Variants in WDR37 observed in about 807,000 individuals in gnomAD.
The protein encoded by WDR37 is WD repeat-containing protein 37.
A neutral mutation model predicts 62.9 loss-of-function variants in WDR37; 19 were observed. That is an observed-to-expected ratio of 0.30 (90% confidence interval 0.21 to 0.44). The LOEUF (loss-of-function observed/expected upper bound fraction) is 0.44. WDR37 is among the 20% of genes least tolerant of loss of function. The probability of loss-of-function intolerance (pLI) is 1.00; values close to 1 mark genes in which losing one functional copy is unlikely to be tolerated. For synonymous variants in WDR37, 250 were observed against 260.9 expected (o/e 0.96, Z 0.40); for missense variants, 474 against 657.6 (o/e 0.72, Z 3.05).
intron 5 of WDR37, among the ~76,000 whole-genome samples, chr10:1,083,142 A>G (rs1351402213): frequency 1.3e-5 from 2 of 152,204 alleles, no homozygotes; most frequent in African/African-American, 4.8e-5. Flanking sequence ...CATCTGAATG[A>G]CACTTTCTGT....
At chr10:1,120,425 T>G (rs982052584) in intron 11 of WDR37, among the ~76,000 whole-genome samples, 1 of 152,230 alleles carries the variant, frequency 6.6e-6, no homozygotes, top group Non-Finnish European at 1.5e-5. Flanking sequence ...TTTGGTTACT[T>G]ACTCAGGGCA....
At chr10:1,095,632 C>T (rs1228259900) in intron 8 of WDR37, among the ~76,000 whole-genome samples, 1 of 152,198 alleles carries the variant, frequency 6.6e-6, no homozygotes, top group Non-Finnish European at 1.5e-5. Context: ...TGTTCTGTGC[C>T]CCGCAGTGCT....
chr10:1,074,516 G>T, intron 2 of WDR37: 1 of 1,304,136 alleles, frequency 7.7e-7, no homozygotes, highest in Non-Finnish European at 1.0e-6. Flanking sequence ...TCTGTAAGTG[G>T]CCCCCGTGAG....
At chr10:1,110,513 C>T (rs1046489503) in intron 11 of WDR37, among the ~76,000 whole-genome samples, 1 of 152,146 alleles carries the variant, frequency 6.6e-6, no homozygotes, top group African/African-American at 2.4e-5. Flanking sequence ...GCTGTGCATC[C>T]GCGCCACAGC....
intron 13 of WDR37, among the ~76,000 whole-genome samples, chr10:1,126,405 C>CAAA (rs745441088): frequency 0.049 from 6,120 of 125,160 alleles, 248 homozygotes; most frequent in African/African-American, 0.1. Flanking sequence ...GACTGTGTCT[C>CAAA]AGAAAAAAAA....
chr10:1,086,283 C>T lies in WDR37; in HGVS notation c.533-3C>T, dbSNP rs1834198958. ...TTCCGACTTCTTCATTTCCATCTTG[C>T]AGATCACACGGCTTTGCTGTGGAGC... On this transcript the variant is annotated splice_region_variant and splice_polypyrimidine_tract_variant and intron_variant, in intron 6 of 13. Coordinates refer to ENST00000263150, the MANE Select transcript of WDR37 (RefSeq NM_014023.4). 6.2e-7 allele frequency: 1 copy of T among 1,613,620 alleles called. No homozygotes were observed. The highest frequency in any genetic ancestry group is 8.5e-7 in the Non-Finnish European group (1 of 1,179,732).
chr10:1,100,348 C>T (rs1452021997), intron 9 of WDR37, among the ~76,000 whole-genome samples: 5 of 152,174 alleles, frequency 3.3e-5, no homozygotes, highest in East Asian at 3.9e-4. Flanking sequence ...AGCCTGTGGA[C>T]GGCCAGGTCC....
At chr10:1,108,343 T>C (rs1266372182) in intron 11 of WDR37, among the ~76,000 whole-genome samples, 1 of 152,208 alleles carries the variant, frequency 6.6e-6, no homozygotes, top group Non-Finnish European at 1.5e-5. Flanking sequence ...TATTGAGTTT[T>C]TTGGTGAAGA....
rs184435191 is a variant in WDR37 at position 1,129,486 on chromosome 10, C to G, written c.*142C>G. On this transcript the variant is annotated 3_prime_UTR_variant, in exon 14 of 14. Transcript: ENST00000263150. Reference sequence around the variant, plus strand: ...GTATATGTTCTTTTCACATAGTGCCCAGCTTGCATGAAATGTACAGAGAAA... The same window carrying G: ...GTATATGTTCTTTTCACATAGTGCCGAGCTTGCATGAAATGTACAGAGAAA... 1.4e-5 allele frequency: 18 copies of G among 1,243,308 alleles called. No homozygotes were observed. The East Asian group carries it at 4.4e-4, about 30-fold the overall frequency. The allele number at this position is 1,243,308 out of a possible 1,614,324, so 77.0% of individuals were successfully genotyped here. A position where few individuals can be genotyped will look rare whatever the true frequency, so the allele number is the denominator to read the frequency against.
chr10:1,122,089 A>G (rs189933940), intron 11 of WDR37, among the ~76,000 whole-genome samples: 7 of 151,510 alleles, frequency 4.6e-5, no homozygotes, highest in Admixed American at 4.0e-4. Flanking sequence ...CCAGGGCCGC[A>G]TAGAGCATGA....
chr10:1,085,181 C>G (rs1038972869), intron 6 of WDR37, among the ~76,000 whole-genome samples: 2 of 151,206 alleles, frequency 1.3e-5, no homozygotes, highest in African/African-American at 4.9e-5. Flanking sequence ...CACCGTTTAG[C>G]TAGGATGGTC....
chr10:1,093,235 C>A (rs1451358446), intron 7 of WDR37, among the ~76,000 whole-genome samples: 2 of 152,044 alleles, frequency 1.3e-5, no homozygotes, highest in Non-Finnish European at 2.9e-5. Context: ...TTCCTGGGGT[C>A]CTAAACTATA....
intron 11 of WDR37, among the ~76,000 whole-genome samples, chr10:1,108,679 C>G (rs1280449025): frequency 6.7e-6 from 1 of 149,480 alleles, no homozygotes; most frequent in Non-Finnish European, 1.5e-5. Flanking sequence ...TAGACACCTG[C>G]ACTTTGTTGG....
intron 7 of WDR37, among the ~76,000 whole-genome samples, chr10:1,091,427 A>G (rs1022479146): frequency 2.6e-5 from 4 of 152,164 alleles, no homozygotes; most frequent in Admixed American, 2.0e-4. Context: ...CTGTATTTTA[A>G]TATTAATAAT....
In WDR37 at chr10:1,130,195, C is replaced by T. The variant is rs764219521; in HGVS notation, c.*851C>T. 2.0e-5 allele frequency: 3 copies of T among 152,662 alleles called. No individual in the cohort carries two copies. The highest frequency in any genetic ancestry group is 4.8e-5 in the African/African-American group (2 of 41,448). The allele number at this position is 152,662 out of a possible 1,614,324, so 9.5% of individuals were successfully genotyped here. Reference sequence around the variant, plus strand: ...AGAGCCCAGTTAATTCTCCGCACCTCGGTTGTGTGCTTCCGAATGGGCTCA... The same window carrying T: ...AGAGCCCAGTTAATTCTCCGCACCTTGGTTGTGTGCTTCCGAATGGGCTCA... On this transcript the variant is annotated 3_prime_UTR_variant, in exon 14 of 14. Transcript: ENST00000263150.
chr10:1,072,390 T>C, intron 2 of WDR37, 97 bp downstream of exon 2: 1 of 1,493,374 alleles, frequency 6.7e-7, no homozygotes, highest in Non-Finnish European at 9.1e-7. Flanking sequence ...CGATCTCCGC[T>C]CACAACCTCC....
Position 1,129,312 on chromosome 10 carries a change from A to G in WDR37, c.1453A>G (p.Ile485Val), listed in dbSNP as rs1035996201. Residue 485 changes from isoleucine to valine, a missense_variant, in exon 14 of 14, where the codon ATC becomes GTC. Physicochemically the swap from Ile to Val is conservative, Grantham distance 29. Coordinates refer to ENST00000263150, the MANE Select transcript of WDR37 (RefSeq NM_014023.4). ...GFDRQAIGWN[I>V]NIPALLQEK ...TGACCGGCAAGCCATTGGTTGGAAC[A>G]TCAACATCCCTGCATTGCTACAAGA... The G allele has an allele frequency of 1.9e-6, 3 of 1,614,000 alleles. No homozygotes were observed. Among genetic ancestry groups the G allele is most frequent in the Non-Finnish European group, 2.5e-6 (3 of 1,180,036 alleles).
At position 1,093,469 on chromosome 10, in the gene WDR37, C is replaced by T; in HGVS notation, c.622C>T (p.His208Tyr). 1 of 1,608,592 alleles carries T rather than the reference C, an allele frequency of 6.2e-7. No homozygotes were observed. The highest frequency in any genetic ancestry group is 8.5e-7 in the Non-Finnish European group (1 of 1,178,422). Residue 208 changes from histidine to tyrosine, a missense_variant, in exon 8 of 14, where the codon CAT (histidine) becomes TAT (tyrosine). His to Tyr is a moderately conservative substitution (Grantham distance 83, BLOSUM62 2). Coordinates refer to ENST00000263150, the MANE Select transcript of WDR37 (RefSeq NM_014023.4). ...HVGSVNSIKF[H>Y]PSEQLALTAS... is the part of the protein sequence containing the mutation. ...TTTTGCAGTAAATTCTATCAAATTTCATCCCTCAGAGCAGTTGGCTCTCAC... is the reference window on the plus strand; with the variant it reads ...TTTTGCAGTAAATTCTATCAAATTTTATCCCTCAGAGCAGTTGGCTCTCAC...
intron 1 of WDR37, 63 bp from the exon 2 acceptor site, chr10:1,072,053 C>A (rs1349642828): frequency 2.3e-6 from 3 of 1,319,520 alleles, no homozygotes; most frequent in Non-Finnish European, 3.1e-6. Context: ...TTATCTTCTT[C>A]ACTGTTTTTC....
Sources: allele counts gnomAD v4.1 joint callset (sites outside exome capture counted in the v4.1 genomes callset), GRCh38; gene constraint gnomAD v4.1.1; transcripts MANE v1.5; gene names NCBI Gene and HGNC (gene_info 2026-07-23, HGNC 2026-07-21).